The following BTBD9 variants were observed in gnomAD, a reference collection of about 807,000 sequenced individuals.
The protein encoded by BTBD9 is BTB domain containing 9, also known as BTB/POZ domain-containing protein 9.
BTBD9 carries 49 observed loss-of-function variants against 64.3 expected under a neutral mutation model. That is an observed-to-expected ratio of 0.76 (90% CI 0.61 to 0.97). The LOEUF (loss-of-function observed/expected upper bound fraction) is 0.97. BTBD9 is among the 50% of genes least tolerant of loss of function. The pLI, the probability that BTBD9 is intolerant of heterozygous loss-of-function variation, is 0.00. For synonymous variants in BTBD9, 260 were observed against 274.7 expected, an observed-to-expected ratio of 0.95 and a Z score of 0.53; for missense variants, 598 against 762.1, an observed-to-expected ratio of 0.78 and a Z score of 2.53.
intron 6 of BTBD9, among the ~76,000 whole-genome samples, chr6:38,350,027 G>A (rs228187): frequency 0.27 from 40,826 of 152,072 alleles, 6,490 homozygotes; most frequent in East Asian, 0.46. Flanking sequence ...TCCAACCCAG[G>A]ATCCCTTCTT....
rs199860967 is a variant in BTBD9, at chr6:38,580,246, G to C, written c.1006C>G (p.Arg336Gly). Reference protein sequence around the residue: ...LGQPSIINHIRILLWDRDSRS... With the variant: ...LGQPSIINHIGILLWDRDSRS... Reference sequence around the variant, plus strand: ...CTATCTCGGTCCCACAAGAGTATCCGTATGTGATTGATAATGGATGGCTGA... The same window carrying C: ...CTATCTCGGTCCCACAAGAGTATCCCTATGTGATTGATAATGGATGGCTGA... Residue 336 changes from arginine (R) to glycine (G), a missense_variant, in exon 5 of 11, where the codon CGG becomes GGG. By Grantham distance (125) the Arg-to-Gly change is moderately radical. Transcript: ENST00000481247. The C allele has an allele frequency of 3.7e-6, 6 of 1,614,080 alleles. No homozygotes were observed. In the East Asian group the frequency reaches 1.3e-4, roughly 36 times the overall value.
In BTBD9 at chr6:38,269,100, A is replaced by T. The variant is rs572098874; in HGVS notation, c.1455-12584T>A. Among the ~76,000 whole-genome samples, 123 of 152,352 alleles carry T rather than the reference A, an allele frequency of 8.1e-4. No homozygotes were observed. The South Asian group carries it at 0.011, about 13-fold the overall frequency. ...GCTATACAATTTAAACACTTAGAAT[A>T]AGTACATTTTTCTGTTTGAAAGCTG... On this transcript the variant is annotated intron_variant, in intron 8 of 10. Coordinates refer to ENST00000481247, the MANE Select transcript of BTBD9 (RefSeq NM_001099272.2).
rs548099421 is a variant in BTBD9, at chr6:38,419,231, A to G, written c.1155-74138T>C. Among the ~76,000 whole-genome samples, 6 of 152,334 alleles carry G rather than the reference A, an allele frequency of 3.9e-5. No individual in the cohort carries two copies. The East Asian group carries it at 9.6e-4, about 24-fold the overall frequency. On this transcript the variant is annotated intron_variant, in intron 6 of 10. Coordinates refer to ENST00000481247, the MANE Select transcript of BTBD9 (RefSeq NM_001099272.2). The stretch of plus-strand genomic sequence containing the variant: ...GGTGTTGACCCTGTCTCTTTACTTA[A>G]GGTCTACTGAAATAATGGCTCAGAG...
intron 1 of BTBD9, among the ~76,000 whole-genome samples, chr6:38,630,356 T>C (rs1051660777): frequency 6.6e-6 from 1 of 152,222 alleles, no homozygotes; most frequent in Non-Finnish European, 1.5e-5. Context: ...ATTGGGATAA[T>C]TGATGAAATA....
chr6:38,196,689 G>A (rs1439646991), intron 9 of BTBD9, among the ~76,000 whole-genome samples: 7 of 152,178 alleles, frequency 4.6e-5, no homozygotes, highest in Admixed American at 2.0e-4. Context: ...ATCTCACCAG[G>A]GAGATGAGCT....
At chr6:38,479,888 C>G (rs954539404) in intron 6 of BTBD9, among the ~76,000 whole-genome samples, 4 of 152,050 alleles carry the variant, frequency 2.6e-5, no homozygotes, top group Non-Finnish European at 5.9e-5. Context: ...ACCACCATGC[C>G]CAGCTAACTT....
At chr6:38,581,087 G>A (rs1426697604) in intron 4 of BTBD9, among the ~76,000 whole-genome samples, 1 of 152,224 alleles carries the variant, frequency 6.6e-6, no homozygotes, top group South Asian at 2.1e-4. Flanking sequence ...AGCTACTCGG[G>A]AGGCTGAGGC....
intron 2 of BTBD9, chr6:38,595,669 C>G (rs1777000833): frequency 1.7e-6 from 1 of 574,794 alleles, no homozygotes. Flanking sequence ...GTTTACCTAC[C>G]TGGAACTTGT....
chr6:38,397,410 G>T (rs1766728685), intron 6 of BTBD9, among the ~76,000 whole-genome samples: 1 of 152,204 alleles, frequency 6.6e-6, no homozygotes, highest in Admixed American at 6.5e-5. Flanking sequence ...GAAATGACTG[G>T]CTGTGGAAGA....
At chr6:38,332,598 A>AT (rs1193074467) in intron 7 of BTBD9, among the ~76,000 whole-genome samples, 2 of 151,684 alleles carry the variant, frequency 1.3e-5, no homozygotes, top group South Asian at 2.1e-4. Flanking sequence ...TTTATTTTTT[A>AT]TTTTTTTCAG....
chr6:38,223,565 C>T (rs571450583), intron 9 of BTBD9, among the ~76,000 whole-genome samples: 1 of 152,066 alleles, frequency 6.6e-6, no homozygotes. Flanking sequence ...TTCGAATTCC[C>T]GGCCTCGAGT....
intron 9 of BTBD9, among the ~76,000 whole-genome samples, chr6:38,208,646 A>G (rs1273927482): frequency 1.3e-5 from 2 of 152,166 alleles, no homozygotes; most frequent in Admixed American, 1.3e-4. Context: ...ATACCAGTCT[A>G]AAGTGGAGAC....
At chr6:38,281,058 C>A (rs1358530749) in intron 8 of BTBD9, among the ~76,000 whole-genome samples, 1 of 152,210 alleles carries the variant, frequency 6.6e-6, no homozygotes, top group African/African-American at 2.4e-5. Context: ...GTAGAAAATA[C>A]TCAAATAATT....
intron 1 of BTBD9, among the ~76,000 whole-genome samples, chr6:38,605,711 G>A (rs953947200): frequency 6.6e-6 from 1 of 152,074 alleles, no homozygotes; most frequent in Admixed American, 6.5e-5. Flanking sequence ...CCAGCTACTA[G>A]GGAGGCTGAA....
At chr6:38,322,084 G>A (rs1763259124) in intron 7 of BTBD9, among the ~76,000 whole-genome samples, 1 of 151,906 alleles carries the variant, frequency 6.6e-6, no homozygotes, top group South Asian at 2.1e-4. Context: ...CCCACCAAAC[G>A]AGAAGGAAGA....
intron 1 of BTBD9, among the ~76,000 whole-genome samples, chr6:38,609,534 C>G (rs1365653535): frequency 6.6e-6 from 1 of 152,120 alleles, no homozygotes; most frequent in African/African-American, 2.4e-5. Flanking sequence ...TGTACATACA[C>G]TTCACCTACA....
At chr6:38,294,717 G>T (rs992368040) in intron 7 of BTBD9, among the ~76,000 whole-genome samples, 1 of 151,974 alleles carries the variant, frequency 6.6e-6, no homozygotes, top group Admixed American at 6.6e-5. Flanking sequence ...TGGGTTGATG[G>T]GTGCAGCAAA....
chr6:38,532,900 T>C (rs1476135712), intron 6 of BTBD9, among the ~76,000 whole-genome samples: 2 of 151,732 alleles, frequency 1.3e-5, no homozygotes, highest in Non-Finnish European at 2.9e-5. Flanking sequence ...GGGGACTTTG[T>C]CTTGCACTTA....
chr6:38,635,956 C>T lies in BTBD9; in HGVS notation c.-28+3844G>A, dbSNP rs533356689. On this transcript the variant is annotated intron_variant, in intron 1 of 10. Coordinates refer to ENST00000481247, the MANE Select transcript of BTBD9 (RefSeq NM_001099272.2). ...GTTCCATTCACCATCTTTTCCAGTT[C>T]TCACTCTCCATTTTTCTGGCATTGG... Among the ~76,000 whole-genome samples, 5 of 152,238 alleles carry T rather than the reference C, an allele frequency of 3.3e-5. No homozygotes were observed. The East Asian group carries it at 7.7e-4, about 24-fold the overall frequency.
Sources: gnomAD v4.1 joint callset for allele counts (sites outside exome capture counted in the v4.1 genomes callset) on GRCh38, gnomAD v4.1.1 for gene constraint, MANE v1.5 for transcripts, NCBI Gene and HGNC (gene_info 2026-07-23, HGNC 2026-07-21) for gene names.